SGCZ: variants seen among roughly 807,000 people sequenced by gnomAD.
SGCZ encodes sarcoglycan zeta.
In SGCZ, 40 loss-of-function variants were observed where a neutral mutation model predicts 41.3. That is an observed-to-expected ratio of 0.97 (90% CI 0.75 to 1.26). SGCZ has a LOEUF of 1.26. Among genes scored for constraint, SGCZ ranks in the 50% most tolerant of loss-of-function variants. The probability of loss-of-function intolerance (pLI) is 0.00; values close to 1 mark genes in which losing one functional copy is unlikely to be tolerated. For synonymous variants in SGCZ, 206 were observed against 137.5 expected, an observed-to-expected ratio of 1.50 and a Z score of -3.49; for missense variants, 552 against 369.8, an observed-to-expected ratio of 1.49 and a Z score of -4.04.
chr8:14,738,446 T>G (rs144565627), intron 1 of SGCZ, among the ~76,000 whole-genome samples: 37 of 152,140 alleles, frequency 2.4e-4, no homozygotes, highest in Non-Finnish European at 4.6e-4. Flanking sequence ...CCCAACTGAT[T>G]AAAAAAAGTT....
chr8:14,400,746 T>G (rs909855740), intron 2 of SGCZ, among the ~76,000 whole-genome samples: 12 of 140,798 alleles, frequency 8.5e-5, no homozygotes, highest in African/African-American at 8.7e-5. Flanking sequence ...AGCTAAGACT[T>G]TGTAATCAAT....
intron 2 of SGCZ, among the ~76,000 whole-genome samples, chr8:14,504,105 T>C (rs1204320570): frequency 6.6e-6 from 1 of 152,210 alleles, no homozygotes; most frequent in Non-Finnish European, 1.5e-5. Flanking sequence ...GTCTCAATTA[T>C]ATTTTTATTT....
intron 2 of SGCZ, among the ~76,000 whole-genome samples, chr8:14,551,571 TA>T (rs1803855364): frequency 6.2e-5 from 1 of 16,128 alleles, no homozygotes; most frequent in African/African-American, 3.8e-4. Flanking sequence ...ATATATATAA[TA>T]TATATATAAT....
chr8:14,342,509 G>T (rs1268472853), intron 2 of SGCZ, among the ~76,000 whole-genome samples: 2 of 152,014 alleles, frequency 1.3e-5, no homozygotes, highest in Non-Finnish European at 2.9e-5. Flanking sequence ...TAGAGATGGG[G>T]TTTCACCATG....
intron 2 of SGCZ, among the ~76,000 whole-genome samples, chr8:14,516,131 G>C (rs868560628): frequency 4.3e-4 from 65 of 151,032 alleles, no homozygotes; most frequent in Middle Eastern, 3.5e-3. Flanking sequence ...CTATGTCTGT[G>C]GTTTTTTTCT....
intron 1 of SGCZ, among the ~76,000 whole-genome samples, chr8:14,915,353 AAAGT>A (rs1398670327): frequency 6.6e-6 from 1 of 152,126 alleles, no homozygotes; most frequent in African/African-American, 2.4e-5. Flanking sequence ...ACTTAGGGAG[AAAGT>A]AAGGGACTAG....
intron 1 of SGCZ, among the ~76,000 whole-genome samples, chr8:15,031,726 A>G (rs1441910301): frequency 6.6e-6 from 1 of 152,196 alleles, no homozygotes; most frequent in African/African-American, 2.4e-5. Flanking sequence ...TGTCAGCTAT[A>G]TCAGTAATAC....
intron 1 of SGCZ, among the ~76,000 whole-genome samples, chr8:15,206,698 C>A (rs758390816): frequency 6.6e-6 from 1 of 152,090 alleles, no homozygotes; most frequent in Admixed American, 6.6e-5. Context: ...CCACCCTCCT[C>A]GGCCTCCCAA....
At chr8:14,963,010 A>T (rs917026056) in intron 1 of SGCZ, among the ~76,000 whole-genome samples, 10 of 152,208 alleles carry the variant, frequency 6.6e-5, no homozygotes, top group Admixed American at 6.5e-4. Context: ...GAGCAAGTTA[A>T]AGATTTGGAA....
rs569170305 is a variant in SGCZ, at chr8:14,407,902, C to A, written c.235-83698G>T. Among the ~76,000 whole-genome samples the A allele has an allele frequency of 3.3e-5, 5 of 152,232 alleles. No individual in the cohort carries two copies. In the South Asian group the frequency reaches 1.0e-3, roughly 32 times the overall value. ...ATGCTGGCTGTCAGGAGAAAAGGAA[C>A]CTCTTGAGTCTCACGTTTTTGCTTT... On this transcript the variant is annotated intron_variant, in intron 2 of 7. Transcript: ENST00000382080.
chr8:14,178,812 A>C (rs1804633008), intron 4 of SGCZ, among the ~76,000 whole-genome samples: 1 of 152,236 alleles, frequency 6.6e-6, no homozygotes, highest in Non-Finnish European at 1.5e-5. Context: ...AAATGAGATA[A>C]ATGCTTACAG....
At chr8:14,248,963 G>T (rs1015765333) in intron 3 of SGCZ, among the ~76,000 whole-genome samples, 5 of 152,040 alleles carry the variant, frequency 3.3e-5, no homozygotes, top group African/African-American at 1.2e-4. Context: ...TAAACAATTG[G>T]ATATAAACTC....
At chr8:15,002,195 T>C (rs1802449608) in intron 1 of SGCZ, among the ~76,000 whole-genome samples, 1 of 106,560 alleles carries the variant, frequency 9.4e-6, no homozygotes, top group South Asian at 3.4e-4. Context: ...AAGAATATAG[T>C]CAGCTCTAAA....
intron 3 of SGCZ, among the ~76,000 whole-genome samples, chr8:14,276,092 G>A (rs1000514170): frequency 1.3e-5 from 2 of 152,116 alleles, no homozygotes; most frequent in Admixed American, 1.3e-4. Flanking sequence ...GGGAGAGCAG[G>A]GGACACATAT....
At chr8:14,477,494 A>C (rs1801394594) in intron 2 of SGCZ, among the ~76,000 whole-genome samples, 1 of 152,250 alleles carries the variant, frequency 6.6e-6, no homozygotes, top group South Asian at 2.1e-4. Flanking sequence ...TAGTAGAAAT[A>C]CCACAATTGT....
chr8:14,878,018 T>A (rs779162175), intron 1 of SGCZ, among the ~76,000 whole-genome samples: 2 of 152,000 alleles, frequency 1.3e-5, no homozygotes, highest in Non-Finnish European at 2.9e-5. Flanking sequence ...AAGGTCAGGA[T>A]TGCCTTTCTT....
intron 1 of SGCZ, among the ~76,000 whole-genome samples, chr8:14,782,640 G>C (rs1342764910): frequency 6.7e-6 from 1 of 149,012 alleles, no homozygotes; most frequent in Non-Finnish European, 1.5e-5. Flanking sequence ...GACTCAGATT[G>C]AGGGAAGATA....
At chr8:14,831,377 T>C (rs1802520688) in intron 1 of SGCZ, among the ~76,000 whole-genome samples, 4 of 152,054 alleles carry the variant, frequency 2.6e-5, no homozygotes, top group South Asian at 2.1e-4. Context: ...AACAAGATAA[T>C]CTATGTGTTA....
intron 2 of SGCZ, among the ~76,000 whole-genome samples, chr8:14,375,458 A>G (rs1254899255): frequency 6.6e-6 from 1 of 152,244 alleles, no homozygotes; most frequent in African/African-American, 2.4e-5. Context: ...CTATTTATCT[A>G]TTTAGATCTT....
Sources: allele counts gnomAD v4.1 joint callset (sites outside exome capture counted in the v4.1 genomes callset), GRCh38; gene constraint gnomAD v4.1.1; transcripts MANE v1.5; gene names NCBI Gene and HGNC (gene_info 2026-07-23, HGNC 2026-07-21).